The following PGCKA1 variants were observed in gnomAD, a reference collection of about 807,000 sequenced individuals.
The protein encoded by PGCKA1 is PDCD10 and GCKIII kinases associated 1.
At chr4:37,536,517 C>A in the PGCKA1 span, among the ~76,000 whole-genome samples, 7 of 152,134 alleles carry the variant, frequency 4.6e-5, no homozygotes, top group Admixed American at 2.0e-4. Context: ...GGAGAATCCG[C>A]TTTCAAGCTC....
the PGCKA1 span, among the ~76,000 whole-genome samples, chr4:37,479,481 T>A: frequency 6.6e-6 from 1 of 152,188 alleles, no homozygotes; most frequent in Non-Finnish European, 1.5e-5. Flanking sequence ...AGAGTTAGAT[T>A]CAAGAATTAA....
At chr4:37,542,659 C>T in the PGCKA1 span, among the ~76,000 whole-genome samples, 1 of 152,098 alleles carries the variant, frequency 6.6e-6, no homozygotes, top group East Asian at 1.9e-4. Context: ...ATTAGTGTAA[C>T]CAAGGAGCTG....
At chr4:37,569,912 A>T in the PGCKA1 span, among the ~76,000 whole-genome samples, 217 of 151,766 alleles carry the variant, frequency 1.4e-3, no homozygotes, top group Non-Finnish European at 2.4e-3. Flanking sequence ...ATCCCAGCAC[A>T]CTGGCTATTG....
the PGCKA1 span, among the ~76,000 whole-genome samples, chr4:37,554,693 C>G: frequency 2.3e-3 from 344 of 152,232 alleles, 1 homozygote; most frequent in African/African-American, 7.9e-3. Flanking sequence ...TGGAATTTTT[C>G]AAAGTCTTCC....
chr4:37,562,947 G>A, the PGCKA1 span, among the ~76,000 whole-genome samples: 1 of 152,122 alleles, frequency 6.6e-6, no homozygotes, highest in Non-Finnish European at 1.5e-5. Flanking sequence ...CCCTAGTAGG[G>A]GGGTGTTTAA....
chr4:37,522,498 A>G, the PGCKA1 span, among the ~76,000 whole-genome samples: 30,752 of 151,782 alleles, frequency 0.2, 3,799 homozygotes, highest in African/African-American at 0.35. Flanking sequence ...ATGGCCCCGC[A>G]CAGGATCAGA....
chr4:37,536,035 A>G, the PGCKA1 span, among the ~76,000 whole-genome samples: 4,343 of 152,370 alleles, frequency 0.029, 156 homozygotes, highest in South Asian at 0.18. Context: ...TAAGCACTCA[A>G]TAAATATTTA....
the PGCKA1 span, among the ~76,000 whole-genome samples, chr4:37,568,636 G>T: frequency 6.6e-6 from 1 of 152,222 alleles, no homozygotes; most frequent in Non-Finnish European, 1.5e-5. Flanking sequence ...GAGTGTGGAC[G>T]TAGGACCCAG....
chr4:37,537,513 G>C, the PGCKA1 span, among the ~76,000 whole-genome samples: 3 of 152,118 alleles, frequency 2.0e-5, no homozygotes, highest in African/African-American at 7.2e-5. Context: ...ATAACATAAG[G>C]AACAGCAAGT....
the PGCKA1 span, among the ~76,000 whole-genome samples, chr4:37,579,865 T>C: frequency 1.3e-5 from 2 of 152,206 alleles, no homozygotes. Flanking sequence ...ATAAGCTTTC[T>C]ACCCCTATTT....
the PGCKA1 span, among the ~76,000 whole-genome samples, chr4:37,571,046 C>T: frequency 6.6e-6 from 1 of 152,182 alleles, no homozygotes; most frequent in South Asian, 2.1e-4. Context: ...CATTCAGCGC[C>T]ATTCCTTCAT....
chr4:37,472,692 T>C, the PGCKA1 span, among the ~76,000 whole-genome samples: 7 of 152,196 alleles, frequency 4.6e-5, no homozygotes, highest in Admixed American at 1.3e-4. Flanking sequence ...CATTTCAAGC[T>C]ATTGATCTTG....
the PGCKA1 span, among the ~76,000 whole-genome samples, chr4:37,462,984 A>G: frequency 6.6e-6 from 1 of 150,526 alleles, no homozygotes; most frequent in African/African-American, 2.4e-5. Context: ...AAAAAAAAAA[A>G]GTCCGTAGAT....
chr4:37,534,753 A>G, the PGCKA1 span, among the ~76,000 whole-genome samples: 1 of 152,292 alleles, frequency 6.6e-6, no homozygotes, highest in East Asian at 1.9e-4. Flanking sequence ...TTGTAAGGAC[A>G]CTAATCCCAT....
chr4:37,555,297 T>C, the PGCKA1 span, among the ~76,000 whole-genome samples: 1 of 152,194 alleles, frequency 6.6e-6, no homozygotes, highest in African/African-American at 2.4e-5. Context: ...GCTTACTAAG[T>C]GTGCAGACAT....
At chr4:37,475,994 T>G in the PGCKA1 span, among the ~76,000 whole-genome samples, 1 of 150,098 alleles carries the variant, frequency 6.7e-6, no homozygotes, top group East Asian at 1.9e-4. Context: ...AATACATTAT[T>G]TAAAATATAT....
the PGCKA1 span, among the ~76,000 whole-genome samples, chr4:37,504,109 A>G: frequency 1.3e-5 from 2 of 152,068 alleles, no homozygotes; most frequent in Non-Finnish European, 2.9e-5. Context: ...ATCCATTTTG[A>G]TTTGATTTTT....
At chr4:37,586,113 G>A in the PGCKA1 span, among the ~76,000 whole-genome samples, 1 of 151,850 alleles carries the variant, frequency 6.6e-6, no homozygotes, top group Non-Finnish European at 1.5e-5. Flanking sequence ...TATTATGAAT[G>A]TTTGCTCATA....
the PGCKA1 span, among the ~76,000 whole-genome samples, chr4:37,493,069 C>T: frequency 1.3e-4 from 19 of 151,792 alleles, no homozygotes; most frequent in South Asian, 2.9e-3. Flanking sequence ...TATGTATATG[C>T]GTCTATATAT....
Sources: allele counts gnomAD v4.1 joint callset (sites outside exome capture counted in the v4.1 genomes callset), GRCh38; gene constraint gnomAD v4.1.1; transcripts MANE v1.5; gene names NCBI Gene and HGNC (gene_info 2026-07-23, HGNC 2026-07-21).